ATXN2: variants seen among roughly 807,000 people sequenced by gnomAD.
ATXN2 encodes ataxin-2.
In ATXN2, 37 loss-of-function variants were observed where a neutral mutation model predicts 138.6. That is an observed-to-expected ratio of 0.27 (90% CI 0.21 to 0.35). ATXN2 has a LOEUF of 0.35. Ranked by LOEUF, ATXN2 falls within the 10% of genes least tolerant of loss-of-function variation. ATXN2 has a pLI of 1.00. For missense variants in ATXN2, 1,216 were observed against 1,480.3 expected (o/e 0.82, Z 2.93); for synonymous variants, 549 against 543.7 (o/e 1.01, Z -0.13).
intron 6 of ATXN2, among the ~76,000 whole-genome samples, chr12:111,524,071 C>T (rs1259323197): frequency 6.6e-6 from 1 of 152,176 alleles, no homozygotes; most frequent in Admixed American, 6.5e-5. Flanking sequence ...AATTTATCCA[C>T]CTCACCAATA....
At chr12:111,483,486 G>A (rs1339871234) in intron 18 of ATXN2, among the ~76,000 whole-genome samples, 3 of 115,614 alleles carry the variant, frequency 2.6e-5, no homozygotes, top group Non-Finnish European at 4.9e-5. Context: ...ACGGAGTCTC[G>A]CTCTGTCACC....
At chr12:111,462,588 G>A (rs1017083299) in intron 21 of ATXN2, among the ~76,000 whole-genome samples, 6 of 152,186 alleles carry the variant, frequency 3.9e-5, no homozygotes, top group Admixed American at 3.3e-4. Flanking sequence ...GCTTAGAACA[G>A]GGGGAAATGA....
At chr12:111,581,514 TCCC>T in intron 1 of ATXN2, 1 of 1,033,554 alleles carries the variant, frequency 9.7e-7, no homozygotes, top group Non-Finnish European at 1.5e-6. Flanking sequence ...TCCACCGTGA[TCCC>T]CATCCACAGC....
intron 5 of ATXN2, among the ~76,000 whole-genome samples, chr12:111,529,344 C>T (rs191546915): frequency 2.1e-5 from 3 of 142,850 alleles, no homozygotes; most frequent in East Asian, 4.5e-4. Context: ...AAGAATACAA[C>T]GTGACTATTA....
intron 14 of ATXN2, among the ~76,000 whole-genome samples, chr12:111,497,972 C>T (rs573098514): frequency 3.9e-5 from 6 of 151,948 alleles, no homozygotes; most frequent in East Asian, 1.9e-4. Flanking sequence ...GCCAACATTG[C>T]GCCACTGCAC....
At chr12:111,494,720 A>G (rs1466745784) in intron 14 of ATXN2, among the ~76,000 whole-genome samples, 2 of 152,144 alleles carry the variant, frequency 1.3e-5, no homozygotes, top group African/African-American at 4.8e-5. Context: ...CACTGCACCC[A>G]GCTGTCATGG....
chr12:111,489,017 G>C (rs1877833191), intron 14 of ATXN2, among the ~76,000 whole-genome samples: 1 of 152,108 alleles, frequency 6.6e-6, no homozygotes, highest in African/African-American at 2.4e-5. Flanking sequence ...AATATTTACT[G>C]AGTGCTTACC....
At position 111,454,947 on chromosome 12, in the gene ATXN2, A is replaced by T. The variant is rs978158516; in HGVS notation, c.3270+1082T>A. 25 of 673,920 alleles carry T rather than the reference A, an allele frequency of 3.7e-5. No individual in the cohort carries two copies. The Admixed American group carries it at 4.9e-4, about 13-fold the overall frequency. The allele number at this position is 673,920 out of a possible 1,614,324, so 41.7% of individuals were successfully genotyped here. On this transcript the variant is annotated intron_variant, in intron 23 of 24. Transcript: ENST00000673436. ...GACCAAACCGGCTTCCCTCCCCACT[A>T]TCAAAAAGCAAATCAACTGCAGTGC...
intron 1 of ATXN2, among the ~76,000 whole-genome samples, chr12:111,587,073 C>CAAAA (rs374631048): frequency 2.7e-5 from 3 of 112,858 alleles, no homozygotes. Context: ...CCATTTCTAC[C>CAAAA]AAAAAAAAAA....
In ATXN2 at chr12:111,518,387, C is replaced by G. The variant is rs771843383; in HGVS notation, c.1027G>C (p.Val343Leu). The change falls in exon 9 of 25, where the codon GTC (valine) becomes CTC (leucine). Residue 343 changes from valine to leucine, a missense_variant. By Grantham distance (32) the Val-to-Leu change is conservative. Around this residue, in one of 4 missense-constraint regions of ATXN2, gnomAD observed 401 missense variants for 528.1 expected, o/e 0.76. Coordinates refer to ENST00000673436, the MANE Select transcript of ATXN2 (RefSeq NM_001372574.1). ...TGTCTCCCACTTCCCCAGGATATGA[C>G]TTCTCTATTTCTTTGTCCAGGAGGA... ...YIPPGQRNRE[V>L]ISWGSGRQNS... is the part of the protein sequence containing the mutation. 8.1e-6 allele frequency: 13 copies of G among 1,612,456 alleles called. No individual in the cohort carries two copies. Among genetic ancestry groups the G allele is most frequent in the Admixed American group, 1.7e-5 (1 of 59,944 alleles).
chr12:111,540,659 CTT>C (rs1366122793), intron 5 of ATXN2, among the ~76,000 whole-genome samples: 2 of 144,190 alleles, frequency 1.4e-5, no homozygotes, highest in Non-Finnish European at 3.1e-5. Context: ...TGTGGCATGT[CTT>C]TTTAAATGTA....
At chr12:111,484,642 G>A (rs189704004) in intron 18 of ATXN2, among the ~76,000 whole-genome samples, 276 of 152,140 alleles carry the variant, frequency 1.8e-3, no homozygotes, top group African/African-American at 6.5e-3. Flanking sequence ...CGCCATGTTG[G>A]CCAGGCTGGT....
chr12:111,510,233 AAAC>A (rs1879424024), intron 12 of ATXN2, 149 bp downstream of exon 12: 4 of 920,284 alleles, frequency 4.3e-6, no homozygotes, highest in Non-Finnish European at 4.8e-6. Flanking sequence ...TAGTAGTATT[AAAC>A]AACATCAAAA....
chr12:111,593,403 C>A (rs763699129), intron 1 of ATXN2, among the ~76,000 whole-genome samples: 1 of 151,980 alleles, frequency 6.6e-6, no homozygotes, highest in Non-Finnish European at 1.5e-5. Context: ...CCTTGAGATC[C>A]TCCTTTAAGT....
At chr12:111,510,145 A>AAACACCAAT (rs1450285242) in intron 12 of ATXN2, 147 bp from the exon 13 acceptor site, 45 of 735,488 alleles carry the variant, frequency 6.1e-5, no homozygotes, top group South Asian at 8.1e-5. Flanking sequence ...ATGTCATATG[A>AAACACCAAT]AACACCAATA....
At chr12:111,568,508 G>C (rs1247722518) in intron 1 of ATXN2, among the ~76,000 whole-genome samples, 1 of 152,048 alleles carries the variant, frequency 6.6e-6, no homozygotes, top group African/African-American at 2.4e-5. Context: ...CAGGTTTCTA[G>C]AATCAGACTG....
chr12:111,513,640 C>T (rs1354083229), intron 10 of ATXN2, 101 bp from the exon 11 acceptor site: 17 of 969,540 alleles, frequency 1.8e-5, no homozygotes, highest in African/African-American at 5.2e-5. Flanking sequence ...CACACACTCA[C>T]TCACTCTACA....
chr12:111,576,085 A>AATTAAC (rs1883624369), intron 1 of ATXN2, among the ~76,000 whole-genome samples: 1 of 123,390 alleles, frequency 8.1e-6, no homozygotes, highest in African/African-American at 3.3e-5. Context: ...TCTGTCTTAA[A>AATTAAC]ATAACATAAC....
At chr12:111,586,219 CT>C (rs112320110) in intron 1 of ATXN2, among the ~76,000 whole-genome samples, 312 of 139,544 alleles carry the variant, frequency 2.2e-3, no homozygotes, top group South Asian at 4.5e-3. Context: ...GTCTTCCAAA[CT>C]TTTTTTTTTT....
Sources: allele counts gnomAD v4.1 joint callset (sites outside exome capture counted in the v4.1 genomes callset), GRCh38; gene constraint gnomAD v4.1.1; regional missense constraint gnomAD v4.1.1; transcripts MANE v1.5; gene names NCBI Gene and HGNC (gene_info 2026-07-23, HGNC 2026-07-21).